Variants in RANBP17 observed in about 807,000 individuals in gnomAD.
The protein encoded by RANBP17 is RAN binding protein 17, also known as ran-binding protein 17.
RANBP17 carries 158 observed loss-of-function variants against 141.2 expected under a neutral mutation model. That is an observed-to-expected ratio of 1.12 (90% CI 0.98 to 1.28). The LOEUF is 1.28. Among genes scored for constraint, RANBP17 ranks in the 50% most tolerant of loss-of-function variants. The pLI is 0.00. For missense variants in RANBP17, 1,438 were observed against 1,290.7 expected, an observed-to-expected ratio of 1.11 and a Z score of -1.75; for synonymous variants, 430 against 450.0, an observed-to-expected ratio of 0.96 and a Z score of 0.56.
intron 25 of RANBP17, among the ~76,000 whole-genome samples, chr5:171,268,627 G>A (rs1267637340): frequency 6.6e-6 from 1 of 150,674 alleles, no homozygotes; most frequent in East Asian, 2.0e-4. Flanking sequence ...GAAGAAGGTT[G>A]AGGATCACTG....
At chr5:170,871,952 T>G (rs1767763861) in intron 1 of RANBP17, among the ~76,000 whole-genome samples, 1 of 152,226 alleles carries the variant, frequency 6.6e-6, no homozygotes, top group African/African-American at 2.4e-5. Context: ...TCAGGTAGTG[T>G]GATGCCTCCA....
chr5:171,073,835 A>C (rs1239529179), intron 14 of RANBP17, among the ~76,000 whole-genome samples: 1 of 150,322 alleles, frequency 6.7e-6, no homozygotes, highest in Non-Finnish European at 1.5e-5. Flanking sequence ...GTAAGGAGGT[A>C]CTTTTTTTTT....
At chr5:170,900,597 G>A (rs1433236178) in intron 5 of RANBP17, among the ~76,000 whole-genome samples, 3 of 152,132 alleles carry the variant, frequency 2.0e-5, no homozygotes, top group African/African-American at 7.2e-5. Context: ...TCTTTTAATT[G>A]TGATGCTAGG....
rs542365768 is a variant in RANBP17 at position 171,005,275 on chromosome 5, T to C, written c.1710+36898T>C. Among the ~76,000 whole-genome samples, 471 of 152,278 alleles carry C rather than the reference T, an allele frequency of 3.1e-3. 2 individuals are homozygous for C. The highest frequency in any genetic ancestry group is 4.9e-3 in the Non-Finnish European group (334 of 68,022). ...GTTCATATGGAACCAAAAAAGAGCC[T>C]GCATTGCCAAGTCAATCCTAAGCCA... is the stretch of plus-strand genomic sequence containing the variant. On this transcript the variant is annotated intron_variant, in intron 14 of 27. Coordinates refer to ENST00000523189, the MANE Select transcript of RANBP17 (RefSeq NM_022897.5).
chr5:171,006,545 A>C (rs902658808), intron 14 of RANBP17, among the ~76,000 whole-genome samples: 1 of 152,106 alleles, frequency 6.6e-6, no homozygotes, highest in Admixed American at 6.6e-5. Flanking sequence ...GAATTGAACA[A>C]TGAGAACACA....
chr5:171,062,999 T>C (rs1405112114), intron 14 of RANBP17, among the ~76,000 whole-genome samples: 4 of 152,156 alleles, frequency 2.6e-5, no homozygotes, highest in Non-Finnish European at 4.4e-5. Flanking sequence ...GAGCCTTGGC[T>C]TTCAGCTCCA....
chr5:171,061,520 T>G (rs1331787416), intron 14 of RANBP17, among the ~76,000 whole-genome samples: 1 of 152,148 alleles, frequency 6.6e-6, no homozygotes, highest in African/African-American at 2.4e-5. Context: ...CACTGTGGTC[T>G]GAGAGACAGT....
intron 14 of RANBP17, among the ~76,000 whole-genome samples, chr5:171,051,708 C>T (rs1782961704): frequency 6.6e-6 from 1 of 152,112 alleles, no homozygotes; most frequent in African/African-American, 2.4e-5. Context: ...CATTTTTTTA[C>T]AAGTTACCAT....
At chr5:170,953,188 A>C (rs1019761038) in intron 12 of RANBP17, among the ~76,000 whole-genome samples, 1 of 152,142 alleles carries the variant, frequency 6.6e-6, no homozygotes, top group African/African-American at 2.4e-5. Flanking sequence ...TGGTCCTTGG[A>C]TCATGAGAGT....
intron 24 of RANBP17, 153 bp downstream of exon 24, chr5:171,242,973 T>C (rs891433240): frequency 2.8e-6 from 2 of 703,838 alleles, no homozygotes; most frequent in African/African-American, 3.6e-5. Flanking sequence ...GTGGGAAAAA[T>C]GTATTTCTTC....
intron 14 of RANBP17, among the ~76,000 whole-genome samples, chr5:171,039,694 T>C (rs1004870493): frequency 1.3e-5 from 2 of 152,048 alleles, no homozygotes; most frequent in Non-Finnish European, 2.9e-5. Context: ...AAAGGTGACA[T>C]TACATCTGAT....
chr5:171,049,045 G>A (rs1782780979), intron 14 of RANBP17, among the ~76,000 whole-genome samples: 1 of 152,166 alleles, frequency 6.6e-6, no homozygotes. Flanking sequence ...AGTTCTTCGA[G>A]AAATCGCCAC....
intron 14 of RANBP17, among the ~76,000 whole-genome samples, chr5:171,063,973 G>A (rs559116925): frequency 1.1e-4 from 17 of 152,356 alleles, no homozygotes; most frequent in South Asian, 6.2e-4. Flanking sequence ...AGCCAGGTGC[G>A]GGATATAATC....
At chr5:170,949,432 T>C (rs1775028052) in intron 12 of RANBP17, among the ~76,000 whole-genome samples, 2 of 152,060 alleles carry the variant, frequency 1.3e-5, no homozygotes, top group South Asian at 4.1e-4. Context: ...AATAGACATT[T>C]CTCCAAAGAA....
chr5:171,144,970 G>C (rs1371335685), intron 14 of RANBP17, among the ~76,000 whole-genome samples: 1 of 152,216 alleles, frequency 6.6e-6, no homozygotes. Flanking sequence ...AGCCTGTTGG[G>C]AGAGAATTTT....
intron 14 of RANBP17, among the ~76,000 whole-genome samples, chr5:171,098,401 T>C (rs1406384633): frequency 6.6e-6 from 1 of 152,210 alleles, no homozygotes; most frequent in African/African-American, 2.4e-5. Flanking sequence ...TGATGAGCTG[T>C]TTTTCATATA....
Position 171,171,207 on chromosome 5 carries a change from GT to G in RANBP17, c.1788del (p.Thr597GlnfsTer12). On this transcript the variant is annotated frameshift_variant and splice_region_variant, in exon 16 of 28. Coordinates refer to ENST00000523189, the MANE Select transcript of RANBP17 (RefSeq NM_022897.5). LOFTEE classifies it high-confidence loss of function. ...HVLETFMTKI[V>X]TNLKYWGRYE... ...TTAAAGACTTTTTTTCATATTTAGT[GT>G]TACAAACCTTAAATACTGGGGAAGA... 1 of 1,554,730 alleles carries G rather than the reference GT, an allele frequency of 6.4e-7. No homozygotes were observed. The highest frequency in any genetic ancestry group is 1.2e-5 in the South Asian group (1 of 85,908).
intron 14 of RANBP17, among the ~76,000 whole-genome samples, chr5:171,161,211 A>T (rs542213373): frequency 6.6e-6 from 1 of 152,328 alleles, no homozygotes; most frequent in Admixed American, 6.5e-5. Flanking sequence ...CATTCATATA[A>T]CCACATCCAG....
intron 16 of RANBP17, among the ~76,000 whole-genome samples, chr5:171,174,106 T>C (rs1353991428): frequency 2.6e-5 from 4 of 152,192 alleles, no homozygotes; most frequent in Non-Finnish European, 5.9e-5. Context: ...ATTATTGTTA[T>C]TTTAAAATCC....
Sources: allele counts gnomAD v4.1 joint callset (sites outside exome capture counted in the v4.1 genomes callset), GRCh38; gene constraint gnomAD v4.1.1; transcripts MANE v1.5; gene names NCBI Gene and HGNC (gene_info 2026-07-23, HGNC 2026-07-21).